The following PSMF1 variants were observed in gnomAD, a reference collection of about 807,000 sequenced individuals.
PSMF1 encodes the protein proteasome inhibitor subunit 1, also known as proteasome inhibitor PI31 subunit.
A neutral mutation model predicts 29.3 loss-of-function variants in PSMF1; 30 were observed. That is an observed-to-expected ratio of 1.02 (90% CI 0.77 to 1.39). The LOEUF (loss-of-function observed/expected upper bound fraction) is 1.39. PSMF1 is among the 40% of genes most tolerant of loss of function. The probability of loss-of-function intolerance (pLI) is 0.00; values close to 1 mark genes in which losing one functional copy is unlikely to be tolerated. For missense variants in PSMF1, 344 were observed against 357.5 expected (o/e 0.96, Z 0.31); for synonymous variants, 134 against 139.7 (o/e 0.96, Z 0.29).
chr20:1,120,897 G>T (rs2086078554), intron 1 of PSMF1, among the ~76,000 whole-genome samples: 1 of 152,116 alleles, frequency 6.6e-6, no homozygotes, highest in Non-Finnish European at 1.5e-5. Flanking sequence ...GTTCTAGAGG[G>T]CGTGTCTGAT....
In PSMF1 at chr20:1,166,326, C is replaced by G; in HGVS notation, c.*1246C>G. On this transcript the variant is annotated 3_prime_UTR_variant, in exon 7 of 7. Transcript: ENST00000335877. ...AGAGGCACGAGATCAAGGCGGTAGT[C>G]ACTTCCGCTCTGCAGCTAGCATTTC... 2.1e-6 allele frequency: 3 copies of G among 1,429,852 alleles called. No homozygotes were observed. The highest frequency in any genetic ancestry group is 1.2e-5 in the South Asian group (1 of 84,698). The allele number at this position is 1,429,852 out of a possible 1,614,324, so 88.6% of individuals were successfully genotyped here.
rs1318772242 is a variant in PSMF1, at chr20:1,125,527, G to A, written c.159G>A (p.Leu53=). The A allele has an allele frequency of 1.2e-6, 2 of 1,612,812 alleles. No homozygotes were observed. The highest frequency in any genetic ancestry group is 1.1e-5 in the South Asian group (1 of 90,930). Residue 53 remains leucine (L), a synonymous_variant, in exon 2 of 7, where the codon CTG becomes CTA. Coordinates refer to ENST00000335877, the MANE Select transcript of PSMF1 (RefSeq NM_006814.5). ...GTCCCAATGATAAGAAGTCAGAACTGCTGCCAGCTGGGTGGAACAACAATA... is the reference window on the plus strand; with the variant it reads ...GTCCCAATGATAAGAAGTCAGAACTACTGCCAGCTGGGTGGAACAACAATA... ...QPGPNDKKSE[L]LPAGWNNNKD... is the part of the protein sequence containing the mutation.
In PSMF1 at chr20:1,163,118, T is replaced by C. The variant is rs557752183; in HGVS notation, c.552-12T>C. ...TCTGGGACTTGCAGTAATTGTCTCTTGTTTGTTTCAGGTGTGATCCCCTGG... is the reference window on the plus strand; with the variant it reads ...TCTGGGACTTGCAGTAATTGTCTCTCGTTTGTTTCAGGTGTGATCCCCTGG... On this transcript the variant is annotated splice_polypyrimidine_tract_variant and intron_variant, in intron 4 of 6. Coordinates refer to ENST00000335877, the MANE Select transcript of PSMF1 (RefSeq NM_006814.5). This position sits in a 1 kb window ranked among gnomAD's most constrained non-coding sequence, Gnocchi z 6.1. 6.2e-7 allele frequency: 1 copy of C among 1,614,072 alleles called. No individual in the cohort carries two copies. The highest frequency in any genetic ancestry group is 8.5e-7 in the Non-Finnish European group (1 of 1,179,978).
chr20:1,118,739 C>A lies in PSMF1; in HGVS notation c.-35C>A, dbSNP rs762575282. The A allele has an allele frequency of 6.2e-7, 1 of 1,602,428 alleles. No homozygotes were observed. Among genetic ancestry groups the A allele is most frequent in the South Asian group, 1.1e-5 (1 of 90,024 alleles). ...CGGCTCACTGCACTACCCCCGCCCC[C>A]TTCTTTCCTCCAGACGCCGAAGTCG... On this transcript the variant is annotated 5_prime_UTR_variant, in exon 1 of 7. Coordinates refer to ENST00000335877, the MANE Select transcript of PSMF1 (RefSeq NM_006814.5).
intron 2 of PSMF1, among the ~76,000 whole-genome samples, chr20:1,126,915 T>C (rs2086164275): frequency 6.6e-6 from 1 of 152,112 alleles, no homozygotes; most frequent in African/African-American, 2.4e-5. Flanking sequence ...GGATAGCTCA[T>C]TGAAACAGGT....
chr20:1,160,279 C>T (rs552370851), intron 4 of PSMF1, among the ~76,000 whole-genome samples: 1 of 152,144 alleles, frequency 6.6e-6, no homozygotes, highest in Admixed American at 6.5e-5. Context: ...AACACTAGAG[C>T]ATGAGCATTT....
upstream of PSMF1, among the ~76,000 whole-genome samples, chr20:1,115,755 G>A (rs1478929983): frequency 7.6e-6 from 1 of 131,648 alleles, no homozygotes; most frequent in South Asian, 2.4e-4. Flanking sequence ...TTTTTTTTGA[G>A]ACAGTCTCTC....
intron 4 of PSMF1, among the ~76,000 whole-genome samples, chr20:1,147,459 T>G (rs1191250373): frequency 1.3e-5 from 2 of 152,206 alleles, no homozygotes; most frequent in African/African-American, 4.8e-5. Flanking sequence ...CGTTAGTTCA[T>G]GTAATAAGCA....
chr20:1,137,463 CAG>C (rs951494614), intron 4 of PSMF1, among the ~76,000 whole-genome samples: 7 of 152,138 alleles, frequency 4.6e-5, no homozygotes, highest in African/African-American at 1.7e-4. Flanking sequence ...AGTAAGTTCA[CAG>C]CAACCTCAAT....
chr20:1,116,296 A>C (rs1024899707), upstream of PSMF1, among the ~76,000 whole-genome samples: 1 of 152,250 alleles, frequency 6.6e-6, no homozygotes, highest in Non-Finnish European at 1.5e-5. Context: ...CTGAAAGTGC[A>C]GAACTTCTCA....
chr20:1,118,867 A>G lies in PSMF1; in HGVS notation c.94A>G (p.Thr32Ala), dbSNP rs1305890419. 6.2e-7 allele frequency: 1 copy of G among 1,614,120 alleles called. No homozygotes were observed. The highest frequency in any genetic ancestry group is 2.2e-5 in the East Asian group (1 of 44,892). The change falls in exon 1 of 7, where the codon ACA (threonine) becomes GCA (alanine). Residue 32 changes from threonine (T) to alanine (A), a missense_variant. By Grantham distance (58) the Thr-to-Ala change is moderately conservative. Transcript: ENST00000335877. ...LVCFLHWEVV[T>A]HGYFGLGVGD... is the part of the protein sequence containing the mutation. ...CTGCTTCTTGCATTGGGAAGTGGTG[A>G]CACACGGTTACTTCGGCTTGGGTGT...
At position 1,170,435 on chromosome 20, in the gene PSMF1, A is replaced by T. The variant is rs772977728; in HGVS notation, c.*5355A>T. ...GTATCCACTCCATTCCTTTGCCCCC[A>T]TGGGTCACTTAGATGTGTTTCATGT... On this transcript the variant is annotated 3_prime_UTR_variant, in exon 7 of 7. Coordinates refer to ENST00000335877, the MANE Select transcript of PSMF1 (RefSeq NM_006814.5). Among the ~76,000 whole-genome samples the T allele has an allele frequency of 6.6e-6, 1 of 152,168 alleles. No individual in the cohort carries two copies. The highest frequency in any genetic ancestry group is 1.5e-5 in the Non-Finnish European group (1 of 68,020).
Position 1,130,035 on chromosome 20 carries a change from C to A in PSMF1, c.365+2527C>A, listed in dbSNP as rs183211928. Among the ~76,000 whole-genome samples the A allele has an allele frequency of 2.5e-3, 378 of 152,180 alleles. 1 individual carries two copies. The highest frequency in any genetic ancestry group is 8.7e-3 in the African/African-American group (361 of 41,518). On this transcript the variant is annotated intron_variant, in intron 3 of 6. Coordinates refer to ENST00000335877, the MANE Select transcript of PSMF1 (RefSeq NM_006814.5). ...TGGCCCGTGCTACAACATGGATGAA[C>A]CTTGAAGACATTATACTAAATTAAA...
At position 1,171,138 on chromosome 20, in the gene PSMF1, C is replaced by A. The variant is rs1017494478; in HGVS notation, c.*6058C>A. 6.6e-6 allele frequency among the ~76,000 whole-genome samples: 1 copy of A among 152,128 alleles called. No individual in the cohort carries two copies. Among genetic ancestry groups the A allele is most frequent in the African/African-American group, 2.4e-5 (1 of 41,428 alleles). On this transcript the variant is annotated 3_prime_UTR_variant, in exon 7 of 7. Coordinates refer to ENST00000335877, the MANE Select transcript of PSMF1 (RefSeq NM_006814.5). ...TGAGAAAGGAGTGATGCTTCATAAT[C>A]CCCAGGATGGTCTTAAGGCTCCTCA...
chr20:1,150,654 A>T (rs2086518648), intron 4 of PSMF1, among the ~76,000 whole-genome samples: 1 of 152,038 alleles, frequency 6.6e-6, no homozygotes, highest in South Asian at 2.1e-4. Flanking sequence ...TATATTCTGA[A>T]TTTAAGTCCT....
chr20:1,155,414 T>C (rs1484855300), intron 4 of PSMF1, among the ~76,000 whole-genome samples: 2 of 152,228 alleles, frequency 1.3e-5, no homozygotes, highest in Admixed American at 1.3e-4. Flanking sequence ...CAAACCACTG[T>C]TGCTTTTTTC....
intron 3 of PSMF1, among the ~76,000 whole-genome samples, chr20:1,132,950 A>G (rs998761580): frequency 1.4e-5 from 2 of 141,996 alleles, no homozygotes; most frequent in Admixed American, 7.4e-5. Context: ...GCTGAATTCA[A>G]GGTGTTTAGG....
In PSMF1 at chr20:1,164,999, C is replaced by G; in HGVS notation, c.765-30C>G. The G allele has an allele frequency of 6.3e-7, 1 of 1,584,702 alleles. No homozygotes were observed. The highest frequency in any genetic ancestry group is 8.7e-7 in the Non-Finnish European group (1 of 1,153,282). On this transcript the variant is annotated intron_variant, in intron 6 of 6. Transcript: ENST00000335877. The surrounding 1 kb of genome is among the most constrained non-coding windows in gnomAD (Gnocchi z 4.1). ...ATGTTCCCCTGGTCTCTCCATCACT[C>G]CAACTCATCAGCCCCTCTTTCCATT...
intron 3 of PSMF1, among the ~76,000 whole-genome samples, chr20:1,129,979 T>C (rs1453751814): frequency 6.6e-6 from 1 of 152,216 alleles, no homozygotes; most frequent in Admixed American, 6.5e-5. Flanking sequence ...TACAGTAGAA[T>C]ATTATTCGGC....
Sources: allele counts gnomAD v4.1 joint callset (sites outside exome capture counted in the v4.1 genomes callset), GRCh38; gene constraint gnomAD v4.1.1; non-coding constraint Gnocchi (gnomAD v3.1); transcripts MANE v1.5; gene names NCBI Gene and HGNC (gene_info 2026-07-23, HGNC 2026-07-21).